HNRNPK: variants seen among roughly 807,000 people sequenced by gnomAD.
The protein encoded by HNRNPK is heterogeneous nuclear ribonucleoprotein K, also known as dC-stretch binding protein.
Under a neutral mutation model 67.0 loss-of-function variants are expected in HNRNPK, and 7 were observed. The observed-to-expected ratio is 0.10, with a 90% CI of 0.06 to 0.20. The LOEUF is 0.20. Ranked by LOEUF, HNRNPK falls within the 10% of genes least tolerant of loss-of-function variation. The probability of loss-of-function intolerance (pLI) is 1.00; values close to 1 mark genes in which losing one functional copy is unlikely to be tolerated. For synonymous variants in HNRNPK, 213 were observed against 193.7 expected, an observed-to-expected ratio of 1.10 and a Z score of -0.83; for missense variants, 264 against 606.5, an observed-to-expected ratio of 0.44 and a Z score of 5.93.
intron 13 of HNRNPK, 56 bp from the exon 14 acceptor site, chr9:83,970,968 T>C: frequency 6.5e-7 from 1 of 1,538,208 alleles, no homozygotes; most frequent in African/African-American, 1.4e-5. Flanking sequence ...TTACTACCGG[T>C]ACTTTAAAAA....
rs1177194720 is a variant in HNRNPK, at chr9:83,971,979, G to A, written c.856C>T (p.Arg286Cys). The part of the protein sequence containing the change: ...SRRDYDDMSP[R>C]RGPPPPPPGR... ...GGAGGAGGGGGAGGTGGTCCTCGAC[G>A]AGGGCTCATATCATCATAATCTCTT... is the stretch of plus-strand genomic sequence containing the variant. The change falls in exon 11 of 17, where the codon CGT becomes TGT. Residue 286 changes from arginine to cysteine, a missense_variant. Around this residue, in one of 6 missense-constraint regions of HNRNPK, gnomAD observed 142 missense variants for 256.5 expected, o/e 0.55. Coordinates refer to ENST00000376263, the MANE Select transcript of HNRNPK (RefSeq NM_031263.4). The A allele has an allele frequency of 2.5e-6, 4 of 1,608,268 alleles. No homozygotes were observed. Among genetic ancestry groups the A allele is most frequent in the African/African-American group, 1.3e-5 (1 of 74,752 alleles).
Position 83,973,206 on chromosome 9 carries a change from G to C in HNRNPK, c.516+80C>G, listed in dbSNP as rs138817029. 261 of 875,492 alleles carry C rather than the reference G, an allele frequency of 3.0e-4. No individual in the cohort carries two copies. The African/African-American group carries it at 3.8e-3, about 13-fold the overall frequency. The allele number at this position is 875,492 out of a possible 1,614,324, so 54.2% of individuals were successfully genotyped here. On this transcript the variant is annotated intron_variant, in intron 9 of 16. Coordinates refer to ENST00000376263, the MANE Select transcript of HNRNPK (RefSeq NM_031263.4). Reference sequence around the variant, plus strand: ...TCTTTGGAGGGAACTGAGAGGGGAAGCGAGAGAAGCTCACAGAAACAAGTC... The same window carrying C: ...TCTTTGGAGGGAACTGAGAGGGGAACCGAGAGAAGCTCACAGAAACAAGTC...
At chr9:83,978,058 T>C in intron 3 of HNRNPK, 137 bp downstream of exon 3, 5 of 637,616 alleles carry the variant, frequency 7.8e-6, no homozygotes, top group Non-Finnish European at 1.4e-5. Context: ...AGCTAAGATG[T>C]AACTACTGAT....
At chr9:83,969,980 A>ATGTC in intron 16 of HNRNPK, 182 bp downstream of exon 16, 1 of 649,012 alleles carries the variant, frequency 1.5e-6, no homozygotes, top group East Asian at 2.8e-5. Context: ...TTAGTATTGA[A>ATGTC]TGTCTTCATT....
chr9:83,971,391 T>C lies in HNRNPK; in HGVS notation c.1009-35A>G, dbSNP rs143507794. ...ATAAAAACATTAACATGAACCCGCA[T>C]TGTATTTTGTTATAGAGCTGTTTTT... On this transcript the variant is annotated intron_variant, in intron 12 of 16. Transcript: ENST00000376263. 50 of 1,400,366 alleles carry C rather than the reference T, an allele frequency of 3.6e-5. No homozygotes were observed. In the African/African-American group the frequency reaches 3.8e-4, roughly 11 times the overall value. The allele number at this position is 1,400,366 out of a possible 1,614,324, so 86.7% of individuals were successfully genotyped here.
In HNRNPK at chr9:83,968,208, G is replaced by A. The variant is rs1956665278; in HGVS notation, c.*1199C>T. On this transcript the variant is annotated 3_prime_UTR_variant, in exon 17 of 17. Coordinates refer to ENST00000376263, the MANE Select transcript of HNRNPK (RefSeq NM_031263.4). ...TCATGGGTGTTTTATTTATTTGGAA[G>A]TGAATTTTAACTATCAATACAAATG... The A allele has an allele frequency of 6.6e-6, 1 of 152,300 alleles. No individual in the cohort carries two copies. The highest frequency in any genetic ancestry group is 1.5e-5 in the Non-Finnish European group (1 of 67,988). The allele number at this position is 152,300 out of a possible 1,614,324, so 9.4% of individuals were successfully genotyped here.
chr9:83,978,188 T>C lies in HNRNPK; in HGVS notation c.58+7A>G. On this transcript the variant is annotated splice_region_variant and intron_variant, in intron 3 of 16. Transcript: ENST00000376263. ...AAAATACTGTTAAAACTAAAATTTC[T>C]TCTCACCAAATTCACCATTGGTTTC... 1.3e-6 allele frequency: 2 copies of C among 1,579,612 alleles called. No homozygotes were observed. Among genetic ancestry groups the C allele is most frequent in the South Asian group, 1.1e-5 (1 of 89,522 alleles).
chr9:83,975,386 T>G, intron 6 of HNRNPK, 76 bp downstream of exon 6: 1 of 1,253,742 alleles, frequency 8.0e-7, no homozygotes, highest in South Asian at 1.2e-5. Context: ...TACTATTTAA[T>G]TATATAAAAG....
intron 5 of HNRNPK, chr9:83,976,370 G>A (rs1026657411): frequency 2.6e-5 from 4 of 152,442 alleles, no homozygotes; most frequent in African/African-American, 9.7e-5. Flanking sequence ...TCCTATAAAT[G>A]TGCTCACTTC....
rs1956779992 is a variant in HNRNPK at position 83,970,521 on chromosome 9, G to A, written c.1192-190C>T. The A allele has an allele frequency of 4.6e-6, 3 of 646,360 alleles. No individual in the cohort carries two copies. The African/African-American group carries it at 5.5e-5, about 12-fold the overall frequency. 40.0% of individuals were successfully genotyped at this position (646,360 alleles called of 1,614,324 possible). On this transcript the variant is annotated intron_variant, in intron 15 of 16. Coordinates refer to ENST00000376263, the MANE Select transcript of HNRNPK (RefSeq NM_031263.4). ...CACTTACTAATGTTTCCCTTAGTTAGTTAAGGGCTCAAAACCTACTTAACT... is the reference window on the plus strand; with the variant it reads ...CACTTACTAATGTTTCCCTTAGTTAATTAAGGGCTCAAAACCTACTTAACT...
rs770522460 is a variant in HNRNPK, at chr9:83,976,991, T to C, written c.213+4A>G. ...GTGTAGTAGTTTAAACTCTTAATAC[T>C]TACGTCTGTACGGAGAGCCTTAATA... is the stretch of plus-strand genomic sequence containing the variant. On this transcript the variant is annotated splice_donor_region_variant and intron_variant, in intron 5 of 16. Coordinates refer to ENST00000376263, the MANE Select transcript of HNRNPK (RefSeq NM_031263.4). The C allele has an allele frequency of 6.3e-7, 1 of 1,588,558 alleles. No homozygotes were observed. The highest frequency in any genetic ancestry group is 8.6e-7 in the Non-Finnish European group (1 of 1,157,216).
Position 83,975,513 on chromosome 9 carries a change from G to A in HNRNPK, c.214-8C>T. 6.2e-7 allele frequency: 1 copy of A among 1,611,854 alleles called. No homozygotes were observed. Among genetic ancestry groups the A allele is most frequent in the South Asian group, 1.1e-5 (1 of 91,050 alleles). On this transcript the variant is annotated splice_region_variant and splice_polypyrimidine_tract_variant and intron_variant, in intron 5 of 16. Coordinates refer to ENST00000376263, the MANE Select transcript of HNRNPK (RefSeq NM_031263.4). ...TGAAACACTGGCATTGTACTGCATT[G>A]GTCATTGGCGTTCGTGGATGTTGGC...
At position 83,968,361 on chromosome 9, in the gene HNRNPK, A is replaced by G. The variant is rs1266800432; in HGVS notation, c.*1046T>C. On this transcript the variant is annotated 3_prime_UTR_variant, in exon 17 of 17. Transcript: ENST00000376263. ...GGTACATCTTTTTCTTTCAATTTGC[A>G]TACAATGGAAAAACAAGTATATATA... 6.6e-6 allele frequency: 1 copy of G among 152,456 alleles called. No homozygotes were observed. The highest frequency in any genetic ancestry group is 1.5e-5 in the Non-Finnish European group (1 of 68,014). The allele number at this position is 152,456 out of a possible 1,614,324, so 9.4% of individuals were successfully genotyped here.
intron 16 of HNRNPK, 80 bp from the exon 17 acceptor site, chr9:83,969,520 C>A: frequency 1.1e-6 from 1 of 870,998 alleles, no homozygotes; most frequent in Non-Finnish European, 1.9e-6. Flanking sequence ...AATTTCAATG[C>A]TAAATTAAAA....
upstream of HNRNPK, chr9:83,980,362 T>G (rs1000539971): frequency 6.6e-6 from 1 of 152,342 alleles, no homozygotes; most frequent in African/African-American, 2.4e-5. Flanking sequence ...CAACCCCGCC[T>G]CCCGCCAGCG....
In HNRNPK at chr9:83,969,186, C is replaced by G. The variant is rs370696476; in HGVS notation, c.*221G>C. 17 of 564,326 alleles carry G rather than the reference C, an allele frequency of 3.0e-5. No individual in the cohort carries two copies. The highest frequency in any genetic ancestry group is 1.3e-4 in the African/African-American group (7 of 52,330). The allele number at this position is 564,326 out of a possible 1,614,324, so 35.0% of individuals were successfully genotyped here. A position where few individuals can be genotyped will look rare whatever the true frequency, so the allele number is the denominator to read the frequency against. ...GTTAGTTTTTGCACGCCCTTCCCCC[C>G]CCCAACCCTGTTTGTAAGGAACTAA... On this transcript the variant is annotated 3_prime_UTR_variant, in exon 17 of 17. Coordinates refer to ENST00000376263, the MANE Select transcript of HNRNPK (RefSeq NM_031263.4).
chr9:83,975,358 T>A, intron 6 of HNRNPK, 104 bp downstream of exon 6: 5 of 1,030,254 alleles, frequency 4.9e-6, no homozygotes, highest in Non-Finnish European at 7.4e-6. Context: ...TGAAAAACAA[T>A]ACACCGTCTA....
At chr9:83,975,994 T>TG (rs553286245) in intron 5 of HNRNPK, among the ~76,000 whole-genome samples, 9 of 152,068 alleles carry the variant, frequency 5.9e-5, no homozygotes, top group Non-Finnish European at 1.2e-4. Context: ...CTTGAGGAAA[T>TG]GGGGAAATTA....
intron 4 of HNRNPK, 22 bp downstream of exon 4, chr9:83,977,667 T>C (rs762252447): frequency 3.4e-6 from 5 of 1,482,160 alleles, no homozygotes; most frequent in Non-Finnish European, 4.7e-6. Flanking sequence ...CACCTTCAAA[T>C]TTTCAAGAAT....
Sources: gnomAD v4.1 joint callset for allele counts (sites outside exome capture counted in the v4.1 genomes callset) on GRCh38, gnomAD v4.1.1 for gene constraint, gnomAD v4.1.1 regional missense constraint, MANE v1.5 for transcripts, NCBI Gene and HGNC (gene_info 2026-07-23, HGNC 2026-07-21) for gene names.